Variants in YME1L1 observed in about 807,000 individuals in gnomAD.
YME1L1 encodes YME1 like 1 ATPase.
A neutral mutation model predicts 90.4 loss-of-function variants in YME1L1; 39 were observed. That is an observed-to-expected ratio of 0.43 (90% CI 0.33 to 0.56). The LOEUF (loss-of-function observed/expected upper bound fraction) is 0.56. YME1L1 is among the 20% of genes least tolerant of loss of function. The pLI is 0.03. For synonymous variants in YME1L1, 284 were observed against 287.3 expected, an observed-to-expected ratio of 0.99 and a Z score of 0.12; for missense variants, 617 against 868.4, an observed-to-expected ratio of 0.71 and a Z score of 3.64.
rs746683610 is a variant in YME1L1, at chr10:27,150,622, T to C, written c.34-1582A>G. 2.7e-4 allele frequency among the ~76,000 whole-genome samples: 41 copies of C among 152,218 alleles called. 2 individuals carry two copies. The highest frequency in any genetic ancestry group is 4.4e-5 in the Non-Finnish European group (3 of 68,038). On this transcript the variant is annotated intron_variant, in intron 1 of 18. Coordinates refer to ENST00000376016, the MANE Select transcript of YME1L1 (RefSeq NM_014263.4). ...CTAGTCCTCACTGCTCATTATGTGC[T>C]AATTATAATGCATTAGCATGCTAAA...
intron 3 of YME1L1, among the ~76,000 whole-genome samples, chr10:27,143,699 T>TA (rs10671752): frequency 0.61 from 81,261 of 134,224 alleles, 24,666 homozygotes; most frequent in Non-Finnish European, 0.65. Context: ...CTCGTCTCTT[T>TA]AAAAAAAAAA....
In YME1L1 at chr10:27,131,520, T is replaced by C. The variant is rs150147934; in HGVS notation, c.858+339A>G. 2.0e-5 allele frequency among the ~76,000 whole-genome samples: 3 copies of C among 152,332 alleles called. No homozygotes were observed. The South Asian group carries it at 6.2e-4, about 32-fold the overall frequency. ...GACCATTTATTAAATATCTACTATG[T>C]GTCAAGCACATACATTATCTGTCAG... is the stretch of plus-strand genomic sequence containing the variant. On this transcript the variant is annotated intron_variant, in intron 8 of 18. Coordinates refer to ENST00000376016, the MANE Select transcript of YME1L1 (RefSeq NM_014263.4).
intron 8 of YME1L1, among the ~76,000 whole-genome samples, chr10:27,129,908 T>C (rs1353105067): frequency 6.6e-6 from 1 of 152,184 alleles, no homozygotes; most frequent in Non-Finnish European, 1.5e-5. Flanking sequence ...TGACCTTGAT[T>C]CTATCAATTT....
In YME1L1 at chr10:27,110,664, G is replaced by A. The variant is rs2056750605; in HGVS notation, c.*1313C>T. ...CGCAGGGTAACACAAAGTTCACTTC[G>A]GAGGGGACTGAGATTTTTGTTTAAT... On this transcript the variant is annotated 3_prime_UTR_variant, in exon 19 of 19. Transcript: ENST00000376016. The A allele has an allele frequency of 6.6e-6, 1 of 152,230 alleles. No homozygotes were observed. Among genetic ancestry groups the A allele is most frequent in the Non-Finnish European group, 1.5e-5 (1 of 68,008 alleles). The allele number at this position is 152,230 out of a possible 1,614,324, so 9.4% of individuals were successfully genotyped here. A position where few individuals can be genotyped will look rare whatever the true frequency, so the allele number is the denominator to read the frequency against.
At position 27,134,060 on chromosome 10, in the gene YME1L1, G is replaced by T; in HGVS notation, c.754C>A (p.Leu252Ile). 6.2e-7 allele frequency: 1 copy of T among 1,613,060 alleles called. No individual in the cohort carries two copies. The change falls in exon 7 of 19, where the codon CTA (leucine) becomes ATA (isoleucine). Residue 252 changes from leucine to isoleucine, a missense_variant. Leu to Ile is a conservative substitution (Grantham distance 5). Transcript: ENST00000376016. ...TTACCAGATAAAAATGGGTTTTTTAGAAGTCCATAAATGCCGAATAGCAGC... is the reference window on the plus strand; with the variant it reads ...TTACCAGATAAAAATGGGTTTTTTATAAGTCCATAAATGCCGAATAGCAGC... The part of the protein sequence containing the change: ...VLLLFGIYGL[L>I]KNPFLSVRFR...
In YME1L1 at chr10:27,136,482, A is replaced by T. The variant is rs191048104; in HGVS notation, c.431-97T>A. 135 of 953,722 alleles carry T rather than the reference A, an allele frequency of 1.4e-4. 1 individual carries two copies. In the East Asian group the frequency reaches 3.4e-3, roughly 24 times the overall value. The allele number at this position is 953,722 out of a possible 1,614,324, so 59.1% of individuals were successfully genotyped here. A position where few individuals can be genotyped will look rare whatever the true frequency, so the allele number is the denominator to read the frequency against. On this transcript the variant is annotated intron_variant, in intron 4 of 18. Transcript: ENST00000376016. ...GTCTGACACCCTACCTGTATATCCT[A>T]GTCTATCTAATTTGCCTGACACTTC...
At chr10:27,113,317 T>A (rs1248379068) in intron 18 of YME1L1, among the ~76,000 whole-genome samples, 1 of 138,788 alleles carries the variant, frequency 7.2e-6, no homozygotes, top group African/African-American at 2.6e-5. Context: ...ACATAACCAA[T>A]CTCTCCACTA....
intron 4 of YME1L1, among the ~76,000 whole-genome samples, chr10:27,141,516 A>C (rs1307794485): frequency 6.6e-6 from 1 of 152,088 alleles, no homozygotes; most frequent in Non-Finnish European, 1.5e-5. Context: ...GTGTAATTCA[A>C]AACCAAAGTA....
At chr10:27,135,104 C>T in intron 5 of YME1L1, 123 bp from the exon 6 acceptor site, 3 of 850,596 alleles carry the variant, frequency 3.5e-6, no homozygotes, top group Non-Finnish European at 5.2e-6. Context: ...TGTGAAGAAA[C>T]AGATTAAGAC....
rs1194059253 is a variant in YME1L1, at chr10:27,110,636, T to C, written c.*1341A>G. ...AAAAGTAAACACAACTTGGCATTTC[T>C]GACGCAGGGTAACACAAAGTTCACT... On this transcript the variant is annotated 3_prime_UTR_variant, in exon 19 of 19. Coordinates refer to ENST00000376016, the MANE Select transcript of YME1L1 (RefSeq NM_014263.4). 1 of 152,228 alleles carries C rather than the reference T, an allele frequency of 6.6e-6. No homozygotes were observed. Among genetic ancestry groups the C allele is most frequent in the East Asian group, 1.9e-4 (1 of 5,202 alleles). 9.4% of individuals were successfully genotyped at this position (152,228 alleles called of 1,614,324 possible). A position where few individuals can be genotyped will look rare whatever the true frequency, so the allele number is the denominator to read the frequency against.
chr10:27,119,431 A>T lies in YME1L1; in HGVS notation c.1430T>A (p.Ile477Lys). The change falls in exon 14 of 19, where the codon ATA becomes AAA. Residue 477 changes from isoleucine to lysine, a missense_variant. Physicochemically the swap from Ile to Lys is moderately radical, Grantham distance 102. Transcript: ENST00000376016. ...KFDQSVDPEI[I>K]ARGTVGFSGA... is the part of the protein sequence containing the mutation. ...GGAAAAGCCAACAGTACCTCGAGCT[A>T]TAATTTCTGGATCAACGGCTAATGT... is the stretch of plus-strand genomic sequence containing the variant. 1 of 1,609,740 alleles carries T rather than the reference A, an allele frequency of 6.2e-7. No homozygotes were observed. Among genetic ancestry groups the T allele is most frequent in the Non-Finnish European group, 8.5e-7 (1 of 1,178,720 alleles).
intron 4 of YME1L1, among the ~76,000 whole-genome samples, chr10:27,139,514 A>C (rs1588607985): frequency 6.6e-6 from 1 of 150,920 alleles, no homozygotes; most frequent in Non-Finnish European, 1.5e-5. Context: ...TCATGGAATA[A>C]ATAGGGAACT....
At position 27,116,050 on chromosome 10, in the gene YME1L1, A is replaced by C. The variant is rs1361173929; in HGVS notation, c.1920+10T>G. The C allele has an allele frequency of 8.1e-6, 13 of 1,606,470 alleles. No individual in the cohort carries two copies. Among genetic ancestry groups the C allele is most frequent in the Non-Finnish European group, 9.4e-6 (11 of 1,176,082 alleles). ...TTTGATACATGAAAAGGATTTAAAAAATCTATTACCTTTTCACTCATTCCA... is the reference window on the plus strand; with the variant it reads ...TTTGATACATGAAAAGGATTTAAAACATCTATTACCTTTTCACTCATTCCA... On this transcript the variant is annotated intron_variant, in intron 17 of 18. Transcript: ENST00000376016.
At chr10:27,127,855 T>C (rs962339061) in intron 8 of YME1L1, among the ~76,000 whole-genome samples, 1 of 152,080 alleles carries the variant, frequency 6.6e-6, no homozygotes, top group African/African-American at 2.4e-5. Flanking sequence ...TCAATGAAAT[T>C]TATGGTTAAA....
At chr10:27,129,718 TA>T (rs10586020) in intron 8 of YME1L1, among the ~76,000 whole-genome samples, 24,707 of 146,312 alleles carry the variant, frequency 0.17, 2,290 homozygotes, top group Admixed American at 0.25. Flanking sequence ...AAAGATAAAA[TA>T]AAAAAAAAAA....
At chr10:27,143,692 G>A (rs1242606410) in intron 3 of YME1L1, among the ~76,000 whole-genome samples, 1 of 78,332 alleles carries the variant, frequency 1.3e-5, no homozygotes, top group Non-Finnish European at 2.4e-5. Context: ...AGCAAGACTC[G>A]TCTCTTTAAA....
intron 9 of YME1L1, among the ~76,000 whole-genome samples, chr10:27,124,070 A>G (rs1366894833): frequency 6.6e-6 from 1 of 152,242 alleles, no homozygotes. Context: ...TTTTTCATAA[A>G]GAACAAAAAA....
chr10:27,151,184 A>C (rs1228629234), intron 1 of YME1L1, among the ~76,000 whole-genome samples: 1 of 151,978 alleles, frequency 6.6e-6, no homozygotes, highest in East Asian at 1.9e-4. Flanking sequence ...TGCCTCCCAA[A>C]GTGCTGGGAT....
chr10:27,126,581 CA>C, intron 9 of YME1L1, 114 bp downstream of exon 9: 1 of 565,152 alleles, frequency 1.8e-6, no homozygotes, highest in Non-Finnish European at 3.0e-6. Context: ...TGTAAAATAG[CA>C]ATTAAGACTT....
Sources: allele counts gnomAD v4.1 joint callset (sites outside exome capture counted in the v4.1 genomes callset), GRCh38; gene constraint gnomAD v4.1.1; transcripts MANE v1.5; gene names NCBI Gene and HGNC (gene_info 2026-07-23, HGNC 2026-07-21).